The following ELMO1 variants were observed in gnomAD, a reference collection of about 807,000 sequenced individuals.
ELMO1 encodes engulfment and cell motility 1, also known as engulfment and cell motility protein 1.
A neutral mutation model predicts 98.9 loss-of-function variants in ELMO1; 26 were observed. The observed-to-expected ratio is 0.26, with a 90% CI of 0.19 to 0.36. ELMO1 has a LOEUF of 0.36. Among genes scored for constraint, ELMO1 ranks in the 10% least tolerant of loss-of-function variants. The pLI is 1.00. For synonymous variants in ELMO1, 346 were observed against 346.0 expected (o/e 1.00, Z 0.00); for missense variants, 627 against 935.2 (o/e 0.67, Z 4.30).
At chr7:37,000,938 T>TACACACACAC (rs145766627) in intron 16 of ELMO1, among the ~76,000 whole-genome samples, 1,845 of 147,484 alleles carry the variant, frequency 0.013, 26 homozygotes, top group Middle Eastern at 0.038. Context: ...TATATGTGTA[T>TACACACACAC]ACACACACAC....
chr7:37,106,067 T>C (rs1455410813), intron 14 of ELMO1, among the ~76,000 whole-genome samples: 1 of 152,214 alleles, frequency 6.6e-6, no homozygotes, highest in African/African-American at 2.4e-5. Flanking sequence ...TTAATACATA[T>C]TAGATGATTA....
intron 14 of ELMO1, among the ~76,000 whole-genome samples, chr7:37,125,982 G>A (rs1274553568): frequency 6.6e-6 from 1 of 152,018 alleles, no homozygotes; most frequent in African/African-American, 2.4e-5. Context: ...AAATGATGAG[G>A]TCATGTCCTT....
intron 4 of ELMO1, among the ~76,000 whole-genome samples, chr7:37,303,488 C>A (rs1798448773): frequency 1.3e-5 from 2 of 152,172 alleles, no homozygotes; most frequent in East Asian, 3.9e-4. Context: ...AAAACATGAA[C>A]AGGAGTATGC....
At chr7:37,449,192 A>G (rs1428519691), upstream of ELMO1, 2 of 152,266 alleles carry the variant, frequency 1.3e-5, no homozygotes, top group East Asian at 3.8e-4. Context: ...GCTATAAATA[A>G]TATGTGTGCA....
At chr7:37,426,426 T>C (rs926731903) in intron 1 of ELMO1, among the ~76,000 whole-genome samples, 3 of 152,042 alleles carry the variant, frequency 2.0e-5, no homozygotes, top group African/African-American at 7.2e-5. Context: ...AAGTGCTGGG[T>C]TACAGGTGTG....
At chr7:37,123,761 G>A (rs1360735160) in intron 14 of ELMO1, among the ~76,000 whole-genome samples, 2 of 152,182 alleles carry the variant, frequency 1.3e-5, no homozygotes, top group Admixed American at 6.5e-5. Flanking sequence ...AACAGAAAAA[G>A]AGGGAATCCT....
At chr7:37,320,130 A>G (rs920926508) in intron 2 of ELMO1, among the ~76,000 whole-genome samples, 24 of 152,146 alleles carry the variant, frequency 1.6e-4, no homozygotes, top group African/African-American at 5.8e-4. Context: ...TAAAACAATT[A>G]GCTGGGCGTG....
At chr7:37,364,277 G>GT (rs1429395575) in intron 1 of ELMO1, among the ~76,000 whole-genome samples, 8 of 152,286 alleles carry the variant, frequency 5.3e-5, no homozygotes, top group Non-Finnish European at 8.8e-5. Context: ...AGAGACACAG[G>GT]GGACCCTCCC....
intron 15 of ELMO1, among the ~76,000 whole-genome samples, chr7:37,031,687 C>T (rs1407598199): frequency 1.3e-5 from 2 of 152,142 alleles, no homozygotes; most frequent in Admixed American, 6.6e-5. Flanking sequence ...TAGGACTACG[C>T]CTTCTCTGTC....
chr7:37,359,555 C>G (rs528244116), intron 1 of ELMO1, among the ~76,000 whole-genome samples: 1 of 152,140 alleles, frequency 6.6e-6, no homozygotes. Flanking sequence ...ACAACAGCCC[C>G]GTGACAAAGG....
chr7:37,053,430 T>C (rs371106132), intron 15 of ELMO1, among the ~76,000 whole-genome samples: 1 of 152,116 alleles, frequency 6.6e-6, no homozygotes, highest in South Asian at 2.1e-4. Flanking sequence ...AAGTCAAATA[T>C]CTTTTCACTT....
At chr7:36,968,461 A>C (rs10268759) in intron 16 of ELMO1, among the ~76,000 whole-genome samples, 2,263 of 152,290 alleles carry the variant, frequency 0.015, 58 homozygotes, top group African/African-American at 0.052. Flanking sequence ...TATATTATTC[A>C]CAGATAGCCC....
intron 1 of ELMO1, among the ~76,000 whole-genome samples, chr7:37,445,135 T>C (rs1393627480): frequency 1.3e-5 from 2 of 152,226 alleles, no homozygotes; most frequent in African/African-American, 2.4e-5. Flanking sequence ...TTTAAACTGC[T>C]GGTCTTGGCC....
In ELMO1 at chr7:37,342,839, T is replaced by C. The variant is rs1800791702; in HGVS notation, c.-73-76A>G. The C allele has an allele frequency of 7.3e-6, 5 of 682,642 alleles. No homozygotes were observed. 42.3% of individuals were successfully genotyped at this position (682,642 alleles called of 1,614,324 possible). A position where few individuals can be genotyped will look rare whatever the true frequency, so the allele number is the denominator to read the frequency against. On this transcript the variant is annotated intron_variant, in intron 1 of 21. Coordinates refer to ENST00000310758, the MANE Select transcript of ELMO1 (RefSeq NM_014800.11). This position sits in a 1 kb window ranked among gnomAD's most constrained non-coding sequence, Gnocchi z 4.3. ...GGGTGAATTTTGCTTCATCACTTCC[T>C]GTTTTCACTGGTGGTTTGGTATGAA...
intron 20 of ELMO1, chr7:36,861,962 C>A: frequency 1.8e-6 from 1 of 565,128 alleles, no homozygotes. Context: ...CGCATGCAGC[C>A]CATGTAGCAA....
intron 1 of ELMO1, among the ~76,000 whole-genome samples, chr7:37,392,524 C>T (rs961073649): frequency 6.6e-6 from 1 of 152,186 alleles, no homozygotes; most frequent in Non-Finnish European, 1.5e-5. Context: ...GAAATCTGAG[C>T]AAATTGGCGC....
intron 16 of ELMO1, among the ~76,000 whole-genome samples, chr7:36,973,861 C>T (rs1218775769): frequency 1.8e-4 from 27 of 152,244 alleles, no homozygotes; most frequent in Admixed American, 1.6e-3. Context: ...CGTTGCCGAG[C>T]AATGAGGGGC....
chr7:36,881,669 G>A (rs575216221), intron 18 of ELMO1, among the ~76,000 whole-genome samples: 102 of 152,272 alleles, frequency 6.7e-4, no homozygotes, highest in Middle Eastern at 3.4e-3. Flanking sequence ...GTGCGTGTGC[G>A]TGTGTGAAGG....
chr7:36,926,898 T>C (rs1489764411), intron 16 of ELMO1, among the ~76,000 whole-genome samples: 1 of 152,230 alleles, frequency 6.6e-6, no homozygotes, highest in Non-Finnish European at 1.5e-5. Context: ...ATTCCATATG[T>C]GTTAGAGAAA....
Sources: gnomAD v4.1 joint callset for allele counts (sites outside exome capture counted in the v4.1 genomes callset) on GRCh38, gnomAD v4.1.1 for gene constraint, Gnocchi (gnomAD v3.1) non-coding constraint, MANE v1.5 for transcripts, NCBI Gene and HGNC (gene_info 2026-07-23, HGNC 2026-07-21) for gene names.